Variants in ASCC1 observed in about 807,000 individuals in gnomAD.
ASCC1 encodes activating signal cointegrator 1 complex subunit 1.
In ASCC1, 35 loss-of-function variants were observed where a neutral mutation model predicts 46.6. The observed-to-expected ratio is 0.75, with a 90% CI of 0.57 to 0.99. The LOEUF (loss-of-function observed/expected upper bound fraction) is 0.99. ASCC1 is among the 50% of genes least tolerant of loss of function. ASCC1 has a pLI of 0.00. For synonymous variants in ASCC1, 143 were observed against 146.6 expected, an observed-to-expected ratio of 0.98 and a Z score of 0.18; for missense variants, 376 against 428.7, an observed-to-expected ratio of 0.88 and a Z score of 1.09.
In ASCC1 at chr10:72,129,141, G is replaced by A. The variant is rs57252227; in HGVS notation, c.872-974C>T. ...GCTAGCCCACTGGAGTTGCACATGGGTAACTATGGAACTATGTCTCTAATG... is the reference window on the plus strand; with the variant it reads ...GCTAGCCCACTGGAGTTGCACATGGATAACTATGGAACTATGTCTCTAATG... On this transcript the variant is annotated intron_variant, in intron 8 of 9. Coordinates refer to ENST00000672957, the MANE Select transcript of ASCC1 (RefSeq NM_001198800.3). 9.3e-3 allele frequency among the ~76,000 whole-genome samples: 1,418 copies of A among 152,262 alleles called. 14 individuals carry two copies. The highest frequency in any genetic ancestry group is 0.033 in the African/African-American group (1,352 of 41,530).
intron 5 of ASCC1, among the ~76,000 whole-genome samples, chr10:72,182,637 T>A (rs1852792757): frequency 6.6e-6 from 1 of 152,052 alleles, no homozygotes; most frequent in South Asian, 2.1e-4. Flanking sequence ...AATATAAAAT[T>A]CAGAAAGGGT....
chr10:72,100,529 T>C (rs186180298), intron 9 of ASCC1, among the ~76,000 whole-genome samples: 1 of 152,026 alleles, frequency 6.6e-6, no homozygotes, highest in Non-Finnish European at 1.5e-5. Flanking sequence ...GCCCAGCCTA[T>C]TATATCTTTA....
At chr10:72,190,695 A>G (rs1404160514) in intron 5 of ASCC1, 1 of 637,840 alleles carries the variant, frequency 1.6e-6, no homozygotes, top group African/African-American at 1.8e-5. Context: ...TGCTTTGTCA[A>G]ATTAAGACAG....
chr10:72,172,712 T>C (rs1469271066), intron 5 of ASCC1, among the ~76,000 whole-genome samples: 1 of 139,266 alleles, frequency 7.2e-6, no homozygotes, highest in Non-Finnish European at 1.5e-5. Context: ...ATATATATTA[T>C]ATATAATATT....
chr10:72,216,650 C>A (rs575277372), upstream of ASCC1, among the ~76,000 whole-genome samples: 29 of 152,040 alleles, frequency 1.9e-4, no homozygotes, highest in South Asian at 4.6e-3. Flanking sequence ...AGAAAATAGG[C>A]ATATATCTGT....
intron 3 of ASCC1, among the ~76,000 whole-genome samples, chr10:72,207,658 C>A (rs1231898388): frequency 2.0e-5 from 3 of 152,128 alleles, no homozygotes; most frequent in Non-Finnish European, 4.4e-5. Flanking sequence ...CCAGATGATT[C>A]TCCTGTGCAC....
chr10:72,139,100 T>C (rs1327382894), intron 7 of ASCC1, among the ~76,000 whole-genome samples: 1 of 151,254 alleles, frequency 6.6e-6, no homozygotes, highest in Admixed American at 6.6e-5. Context: ...TCACTATATT[T>C]CTTTTTTCTT....
At chr10:72,207,969 G>A (rs898644416) in intron 3 of ASCC1, among the ~76,000 whole-genome samples, 9 of 151,904 alleles carry the variant, frequency 5.9e-5, no homozygotes, top group Non-Finnish European at 8.8e-5. Flanking sequence ...TCACTACCAC[G>A]CCTGGCTAAT....
At chr10:72,169,582 G>A (rs1850799858) in intron 5 of ASCC1, among the ~76,000 whole-genome samples, 1 of 152,064 alleles carries the variant, frequency 6.6e-6, no homozygotes, top group Non-Finnish European at 1.5e-5. Flanking sequence ...CAATGATATT[G>A]GTCACCCACA....
At chr10:72,198,323 AGGGGGAGGGG>A (rs2133306342) in intron 4 of ASCC1, 3 of 16,648 alleles carry the variant, frequency 1.8e-4, no homozygotes, top group South Asian at 3.0e-4. Context: ...AGGGGAGGGG[AGGGGGAGGGG>A]AGGAGAGGGG....
At chr10:72,172,252 A>G (rs1851191168) in intron 5 of ASCC1, among the ~76,000 whole-genome samples, 1 of 151,718 alleles carries the variant, frequency 6.6e-6, no homozygotes, top group Non-Finnish European at 1.5e-5. Context: ...CGTCTCTACT[A>G]AAAATACAAA....
At chr10:72,110,729 G>A (rs900144092) in intron 9 of ASCC1, among the ~76,000 whole-genome samples, 11 of 152,240 alleles carry the variant, frequency 7.2e-5, no homozygotes, top group Non-Finnish European at 1.0e-4. Context: ...GGAGGTTGCA[G>A]TGAGCTGAGA....
intron 7 of ASCC1, among the ~76,000 whole-genome samples, chr10:72,137,076 ATTTT>A (rs551575555): frequency 6.8e-6 from 1 of 147,724 alleles, no homozygotes; most frequent in African/African-American, 2.5e-5. Flanking sequence ...TGCCCAGCTA[ATTTT>A]TTTTTTTTAA....
At chr10:72,158,728 T>C (rs1849281927) in intron 6 of ASCC1, among the ~76,000 whole-genome samples, 1 of 152,226 alleles carries the variant, frequency 6.6e-6, no homozygotes, top group Non-Finnish European at 1.5e-5. Flanking sequence ...AATACTCCCA[T>C]TTTAAAAACC....
intron 9 of ASCC1, among the ~76,000 whole-genome samples, chr10:72,111,664 C>A (rs12264573): frequency 2.0e-5 from 3 of 151,224 alleles, no homozygotes; most frequent in Admixed American, 2.0e-4. Flanking sequence ...TTTTTGGAAA[C>A]GGAGTCTCTC....
intron 7 of ASCC1, among the ~76,000 whole-genome samples, chr10:72,150,083 G>T (rs989195833): frequency 6.6e-6 from 1 of 151,994 alleles, no homozygotes; most frequent in Non-Finnish European, 1.5e-5. Flanking sequence ...TACTCGAGAG[G>T]CTGAGACAGG....
intron 7 of ASCC1, among the ~76,000 whole-genome samples, chr10:72,149,346 G>A (rs1036883875): frequency 6.7e-6 from 1 of 149,210 alleles, no homozygotes; most frequent in Non-Finnish European, 1.5e-5. Context: ...GCTGAGGCAG[G>A]AGAATGGCGT....
chr10:72,196,640 A>G lies in ASCC1; in HGVS notation c.489+171T>C, dbSNP rs147371485. The stretch of plus-strand genomic sequence containing the variant: ...GTAATATATAGAAACTTATGAGCTG[A>G]TATGTCCATACACTTTTTTTTTCAG... On this transcript the variant is annotated intron_variant, in intron 5 of 9. Transcript: ENST00000672957. Among the ~76,000 whole-genome samples, 640 of 152,238 alleles carry G rather than the reference A, an allele frequency of 4.2e-3. 6 individuals carry two copies. Among genetic ancestry groups the G allele is most frequent in the African/African-American group, 0.014 (595 of 41,546 alleles).
rs137941610 is a variant in ASCC1, at chr10:72,099,548, C to T, written c.958-2098G>A. Among the ~76,000 whole-genome samples the T allele has an allele frequency of 1.9e-3, 284 of 152,244 alleles. 2 individuals are homozygous for T. The highest frequency in any genetic ancestry group is 6.1e-3 in the African/African-American group (255 of 41,546). On this transcript the variant is annotated intron_variant, in intron 9 of 9. Transcript: ENST00000672957. The stretch of plus-strand genomic sequence containing the variant: ...ATAAGAGCAAGTACAAGGCCAGGCG[C>T]GGTGACTCATGCCTGTAATCCCAGC...
Sources: allele counts gnomAD v4.1 joint callset (sites outside exome capture counted in the v4.1 genomes callset), GRCh38; gene constraint gnomAD v4.1.1; transcripts MANE v1.5; gene names NCBI Gene and HGNC (gene_info 2026-07-23, HGNC 2026-07-21).